MLIP: variants seen among roughly 807,000 people sequenced by gnomAD.
MLIP encodes the protein muscular LMNA-interacting protein.
Under a neutral mutation model 84.8 loss-of-function variants are expected in MLIP, and 79 were observed. The observed-to-expected ratio is 0.93, with a 90% CI of 0.78 to 1.12. The LOEUF is 1.12. Among genes scored for constraint, MLIP ranks in the 50% most tolerant of loss-of-function variants. The pLI is 0.00. For synonymous variants in MLIP, 504 were observed against 463.0 expected (o/e 1.09, Z -1.14); for missense variants, 1,257 against 1,160.6 (o/e 1.08, Z -1.21).
chr6:54,253,441 C>T (rs551905115), intron 12 of MLIP, among the ~76,000 whole-genome samples: 60 of 152,162 alleles, frequency 3.9e-4, no homozygotes, highest in Admixed American at 7.9e-4. Flanking sequence ...TAAAACTTCC[C>T]GTAACACTCC....
chr6:54,220,821 A>G (rs538133537), intron 11 of MLIP, among the ~76,000 whole-genome samples: 1 of 152,292 alleles, frequency 6.6e-6, no homozygotes, highest in Admixed American at 6.5e-5. Context: ...TTTTATGAGA[A>G]AATTCTGGAG....
intron 1 of MLIP, 54 bp from the exon 2 acceptor site, chr6:54,121,393 G>T: frequency 6.4e-7 from 1 of 1,571,362 alleles, no homozygotes; most frequent in South Asian, 1.1e-5. Flanking sequence ...GGAGAATAAA[G>T]GCAAGATAAA....
intron 1 of MLIP, among the ~76,000 whole-genome samples, chr6:54,080,845 G>GC (rs1554144500): frequency 2.0e-5 from 3 of 147,226 alleles, no homozygotes; most frequent in Non-Finnish European, 4.5e-5. Flanking sequence ...TTAAAGTATA[G>GC]TTTTTTTTTT....
At chr6:54,118,874 C>T (rs1013938522) in intron 1 of MLIP, among the ~76,000 whole-genome samples, 26 of 152,142 alleles carry the variant, frequency 1.7e-4, no homozygotes, top group Non-Finnish European at 2.9e-5. Flanking sequence ...AGACATCTCT[C>T]AAAAGACACA....
At chr6:54,235,037 A>G (rs181545464) in intron 12 of MLIP, among the ~76,000 whole-genome samples, 137 of 152,220 alleles carry the variant, frequency 9.0e-4, no homozygotes, top group African/African-American at 3.1e-3. Flanking sequence ...CTCATCATTC[A>G]TTTTGTCTCA....
At chr6:54,142,343 G>A (rs1772388017) in intron 4 of MLIP, among the ~76,000 whole-genome samples, 1 of 152,196 alleles carries the variant, frequency 6.6e-6, no homozygotes, top group Admixed American at 6.5e-5. Context: ...GGTCATATGT[G>A]TCATAGAGAA....
intron 4 of MLIP, among the ~76,000 whole-genome samples, chr6:54,142,400 CA>C (rs1276232475): frequency 2.6e-5 from 4 of 152,112 alleles, no homozygotes; most frequent in Non-Finnish European, 5.9e-5. Flanking sequence ...GATGGTGTCA[CA>C]AGTTATGTTG....
At chr6:54,162,441 G>A (rs1774744614) in intron 8 of MLIP, among the ~76,000 whole-genome samples, 1 of 151,978 alleles carries the variant, frequency 6.6e-6, no homozygotes, top group Non-Finnish European at 1.5e-5. Flanking sequence ...ATTTGCCATG[G>A]CATGAAGCTT....
At position 54,137,277 on chromosome 6, in the gene MLIP, A is replaced by T. The variant is rs1167547879; in HGVS notation, c.1208A>T (p.Lys403Met). The change falls in exon 4 of 14, where the codon AAG becomes ATG. Residue 403 changes from lysine to methionine, a missense_variant. Lys to Met is a moderately conservative substitution (Grantham distance 95). Coordinates refer to ENST00000502396, the MANE Select transcript of MLIP (RefSeq NM_001281747.2). ...ATGTCATCTAGTGGAAATCTTTCAA[A>T]GTCAGGGGTAAAATCCCCGGTGCCT... ...SQMSSSGNLS[K>M]SGVKSPVPSR... is the part of the protein sequence containing the mutation. The T allele has an allele frequency of 6.5e-7, 1 of 1,535,868 alleles. No homozygotes were observed. Among genetic ancestry groups the T allele is most frequent in the Non-Finnish European group, 8.7e-7 (1 of 1,146,900 alleles).
At chr6:54,028,131 A>T (rs183937202) in intron 1 of MLIP, among the ~76,000 whole-genome samples, 2 of 152,162 alleles carry the variant, frequency 1.3e-5, no homozygotes, top group Admixed American at 6.5e-5. Context: ...GATGATTTTT[A>T]AAAAAATGGT....
chr6:54,203,633 TG>T (rs1425959165), intron 11 of MLIP: 2 of 152,666 alleles, frequency 1.3e-5, no homozygotes, highest in African/African-American at 4.8e-5. Flanking sequence ...TTGTCTAGGC[TG>T]GAGCTCAATG....
At chr6:54,135,061 A>T (rs1423532752) in intron 3 of MLIP, among the ~76,000 whole-genome samples, 1 of 152,100 alleles carries the variant, frequency 6.6e-6, no homozygotes, top group East Asian at 1.9e-4. Context: ...ATTTAACTAA[A>T]ATGATTGCAT....
intron 1 of MLIP, among the ~76,000 whole-genome samples, chr6:54,114,863 G>A (rs1193490957): frequency 6.6e-6 from 1 of 152,150 alleles, no homozygotes; most frequent in Non-Finnish European, 1.5e-5. Context: ...GGTTTTACTA[G>A]GAGCATAGTA....
At chr6:54,231,033 T>TTC in intron 12 of MLIP, 116 bp downstream of exon 12, 1 of 735,600 alleles carries the variant, frequency 1.4e-6, no homozygotes, top group Non-Finnish European at 2.1e-6. Context: ...ATATTAAATA[T>TTC]CTAAATGTAT....
chr6:54,098,296 A>C (rs1255088439), intron 1 of MLIP, among the ~76,000 whole-genome samples: 4 of 148,344 alleles, frequency 2.7e-5, no homozygotes, highest in Admixed American at 2.0e-4. Flanking sequence ...CTAGGACTAC[A>C]TGTGCATATC....
chr6:54,090,618 C>G (rs192663613), intron 1 of MLIP, among the ~76,000 whole-genome samples: 1 of 151,604 alleles, frequency 6.6e-6, no homozygotes, highest in Non-Finnish European at 1.5e-5. Flanking sequence ...GTTGTGTGCA[C>G]GGCATTCTAT....
intron 4 of MLIP, among the ~76,000 whole-genome samples, chr6:54,146,208 A>G (rs1453266724): frequency 1.3e-5 from 2 of 152,142 alleles, no homozygotes; most frequent in African/African-American, 4.8e-5. Context: ...AGTAATTCCA[A>G]CCTCCTTTCT....
intron 1 of MLIP, among the ~76,000 whole-genome samples, chr6:54,048,936 GA>G (rs761659133): frequency 6.6e-6 from 1 of 152,178 alleles, no homozygotes; most frequent in Non-Finnish European, 1.5e-5. Context: ...CTGGTCTTGA[GA>G]AGAAGTCAGA....
chr6:54,169,364 A>G (rs140102636), intron 8 of MLIP, among the ~76,000 whole-genome samples, 164 bp from the exon 9 acceptor site: 1,623 of 151,956 alleles, frequency 0.011, 34 homozygotes, highest in African/African-American at 0.036. Flanking sequence ...AGAATAATCA[A>G]GTGATATCAT....
Sources: gnomAD v4.1 joint callset for allele counts (sites outside exome capture counted in the v4.1 genomes callset) on GRCh38, gnomAD v4.1.1 for gene constraint, MANE v1.5 for transcripts, NCBI Gene and HGNC (gene_info 2026-07-23, HGNC 2026-07-21) for gene names.